Variants in DAB1 observed in about 807,000 individuals in gnomAD.
The protein encoded by DAB1 is disabled homolog 1.
Under a neutral mutation model 64.6 loss-of-function variants are expected in DAB1, and 15 were observed. The observed-to-expected ratio is 0.23, with a 90% CI of 0.16 to 0.36. The LOEUF (loss-of-function observed/expected upper bound fraction) is 0.36. Among genes scored for constraint, DAB1 ranks in the 10% least tolerant of loss-of-function variants. The pLI is 1.00. For missense variants in DAB1, 596 were observed against 706.7 expected, an observed-to-expected ratio of 0.84 and a Z score of 1.78; for synonymous variants, 235 against 251.9, an observed-to-expected ratio of 0.93 and a Z score of 0.64.
chr1:57,615,161 C>T (rs1255705299), intron 7 of DAB1, among the ~76,000 whole-genome samples: 8 of 152,134 alleles, frequency 5.3e-5, no homozygotes, highest in African/African-American at 1.9e-4. Flanking sequence ...TGAGCCACTG[C>T]GCCCGGCCTC....
intron 5 of DAB1, among the ~76,000 whole-genome samples, chr1:57,951,597 C>G (rs1290954753): frequency 2.6e-5 from 4 of 151,980 alleles, no homozygotes; most frequent in Non-Finnish European, 5.9e-5. Context: ...AGTGACGTCA[C>G]AGAGTATTAG....
chr1:58,308,995 C>T (rs1341182955), intron 4 of DAB1, among the ~76,000 whole-genome samples: 1 of 151,930 alleles, frequency 6.6e-6, no homozygotes, highest in African/African-American at 2.4e-5. Context: ...TCTTGTGGTC[C>T]AATGAGTGAA....
At chr1:57,198,689 A>ACACACACACC (rs1228335383) in intron 2 of DAB1, among the ~76,000 whole-genome samples, 31 of 148,120 alleles carry the variant, frequency 2.1e-4, no homozygotes, top group African/African-American at 6.0e-4. Flanking sequence ...ACACACACAC[A>ACACACACACC]CCCATCAACT....
chr1:57,178,073 C>T (rs899189001), intron 2 of DAB1, among the ~76,000 whole-genome samples: 9 of 151,782 alleles, frequency 5.9e-5, no homozygotes, highest in Non-Finnish European at 1.0e-4. Context: ...TAGCCATGGG[C>T]GAAAACCATA....
intron 2 of DAB1, among the ~76,000 whole-genome samples, chr1:57,289,777 G>A (rs560835016): frequency 2.0e-5 from 3 of 152,190 alleles, no homozygotes; most frequent in Non-Finnish European, 4.4e-5. Context: ...CAAGACCTGA[G>A]AGAGAGCTCT....
At chr1:57,891,542 T>C (rs912148710) in intron 5 of DAB1, among the ~76,000 whole-genome samples, 3 of 152,180 alleles carry the variant, frequency 2.0e-5, no homozygotes, top group African/African-American at 7.2e-5. Flanking sequence ...CATGCTACTA[T>C]AAAGACACAT....
chr1:57,601,353 C>T (rs2101585723), intron 7 of DAB1, among the ~76,000 whole-genome samples: 1 of 152,294 alleles, frequency 6.6e-6, no homozygotes, highest in African/African-American at 2.4e-5. Flanking sequence ...GCAGGCAGAT[C>T]ACTTGAGGCC....
At chr1:57,913,470 A>C (rs1298431139) in intron 5 of DAB1, among the ~76,000 whole-genome samples, 1 of 152,260 alleles carries the variant, frequency 6.6e-6, no homozygotes, top group African/African-American at 2.4e-5. Flanking sequence ...CTTAAATGTT[A>C]GACCTAAAAC....
At chr1:57,184,075 C>T (rs1663269052) in intron 2 of DAB1, among the ~76,000 whole-genome samples, 1 of 147,498 alleles carries the variant, frequency 6.8e-6, no homozygotes, top group South Asian at 2.1e-4. Context: ...AACAACACGA[C>T]TTTTCCAAAA....
chr1:57,381,958 T>A (rs1457301549), intron 1 of DAB1, among the ~76,000 whole-genome samples: 1 of 152,180 alleles, frequency 6.6e-6, no homozygotes, highest in Non-Finnish European at 1.5e-5. Context: ...TGAAGACAGA[T>A]GTGGCTGCTT....
intron 7 of DAB1, among the ~76,000 whole-genome samples, chr1:57,553,616 A>C (rs1644953349): frequency 6.6e-6 from 1 of 152,024 alleles, no homozygotes; most frequent in African/African-American, 2.4e-5. Context: ...AACTGCAGTG[A>C]GCTAAGATCA....
At position 57,253,427 on chromosome 1, in the gene DAB1, G is replaced by A. The variant is rs1669506743; in HGVS notation, c.67+37537C>T. Among the ~76,000 whole-genome samples, 5 of 152,266 alleles carry A rather than the reference G, an allele frequency of 3.3e-5. No individual in the cohort carries two copies. In the South Asian group the frequency reaches 1.0e-3, roughly 32 times the overall value. The stretch of plus-strand genomic sequence containing the variant: ...GTCTGATTTGCAGTTGGCTCAAAAT[G>A]CAGAGGGAGAGGAGTATGATGAACC... On this transcript the variant is annotated intron_variant, in intron 2 of 14. Transcript: ENST00000371236.
chr1:57,205,659 C>T (rs1014852943), intron 2 of DAB1, among the ~76,000 whole-genome samples: 1 of 152,160 alleles, frequency 6.6e-6, no homozygotes, highest in Non-Finnish European at 1.5e-5. Flanking sequence ...TTATTTCTCT[C>T]GTCTTACAGA....
intron 6 of DAB1, among the ~76,000 whole-genome samples, chr1:57,746,256 T>C (rs970917230): frequency 6.6e-6 from 1 of 152,198 alleles, no homozygotes; most frequent in Non-Finnish European, 1.5e-5. Flanking sequence ...TACTAGGTCA[T>C]AGGAATGCAT....
intron 7 of DAB1, among the ~76,000 whole-genome samples, chr1:57,563,353 C>T (rs1645075476): frequency 6.6e-6 from 1 of 152,172 alleles, no homozygotes; most frequent in Non-Finnish European, 1.5e-5. Flanking sequence ...TCTACAGCTC[C>T]CAGCATGAGC....
chr1:57,752,661 A>C (rs982318025), intron 6 of DAB1, among the ~76,000 whole-genome samples: 3 of 152,182 alleles, frequency 2.0e-5, no homozygotes, highest in African/African-American at 7.2e-5. Context: ...GAAAAGCATT[A>C]GATTTTGGAG....
intron 2 of DAB1, among the ~76,000 whole-genome samples, chr1:57,207,843 AG>A (rs1018720205): frequency 4.5e-4 from 68 of 152,296 alleles, no homozygotes; most frequent in African/African-American, 1.5e-3. Flanking sequence ...CATATCTTAA[AG>A]GGCTTGATTT....
intron 7 of DAB1, among the ~76,000 whole-genome samples, chr1:57,601,900 T>C (rs914039524): frequency 4.6e-5 from 7 of 152,164 alleles, no homozygotes; most frequent in Admixed American, 3.9e-4. Context: ...CCATGTGTCA[T>C]CATCTTTCAT....
At chr1:57,575,527 GA>G (rs1423113909) in intron 7 of DAB1, among the ~76,000 whole-genome samples, 1 of 152,182 alleles carries the variant, frequency 6.6e-6, no homozygotes, top group African/African-American at 2.4e-5. Flanking sequence ...ACATGATGTA[GA>G]AAATGCAAAT....
Sources: allele counts gnomAD v4.1 joint callset (sites outside exome capture counted in the v4.1 genomes callset), GRCh38; gene constraint gnomAD v4.1.1; transcripts MANE v1.5; gene names NCBI Gene and HGNC (gene_info 2026-07-23, HGNC 2026-07-21).